Variants in GRIP1 observed in about 807,000 individuals in gnomAD.
GRIP1 encodes glutamate receptor interacting protein 1.
Under a neutral mutation model 129.9 loss-of-function variants are expected in GRIP1, and 45 were observed. The observed-to-expected ratio is 0.35, with a 90% CI of 0.27 to 0.44. GRIP1 has a LOEUF of 0.44. Among genes scored for constraint, GRIP1 ranks in the 20% least tolerant of loss-of-function variants. The pLI is 1.00. For synonymous variants in GRIP1, 530 were observed against 520.8 expected (o/e 1.02, Z -0.24); for missense variants, 1,196 against 1,396.8 (o/e 0.86, Z 2.29).
intron 24 of GRIP1, among the ~76,000 whole-genome samples, chr12:66,353,121 C>T (rs1186240252): frequency 6.6e-6 from 1 of 152,080 alleles, no homozygotes; most frequent in Non-Finnish European, 1.5e-5. Flanking sequence ...TATGGGACTA[C>T]TGTGCGATGG....
At chr12:66,472,922 C>T (rs570875278) in intron 7 of GRIP1, among the ~76,000 whole-genome samples, 87 of 152,278 alleles carry the variant, frequency 5.7e-4, no homozygotes, top group Admixed American at 2.1e-3. Flanking sequence ...ACTGAGCTAG[C>T]TACAGAAGTT....
chr12:66,369,550 T>C (rs758897448), intron 23 of GRIP1, among the ~76,000 whole-genome samples: 19 of 152,160 alleles, frequency 1.2e-4, no homozygotes, highest in Non-Finnish European at 2.4e-4. Flanking sequence ...GACTCTGTTT[T>C]ATACTTGCTA....
intron 1 of GRIP1, among the ~76,000 whole-genome samples, chr12:66,598,352 T>C (rs541937806): frequency 1.3e-5 from 2 of 152,332 alleles, no homozygotes; most frequent in South Asian, 4.1e-4. Context: ...CTGTTTCATG[T>C]TTATATTTAA....
intron 1 of GRIP1, among the ~76,000 whole-genome samples, chr12:66,697,851 C>G (rs1222758310): frequency 6.6e-6 from 1 of 152,194 alleles, no homozygotes; most frequent in East Asian, 1.9e-4. Flanking sequence ...ATATATTAGA[C>G]AAATGGCTCT....
At chr12:66,536,522 C>T (rs752055184) in intron 4 of GRIP1, among the ~76,000 whole-genome samples, 1 of 152,066 alleles carries the variant, frequency 6.6e-6, no homozygotes, top group Non-Finnish European at 1.5e-5. Context: ...TTCATTCTTC[C>T]GGGAACTCTT....
rs59374332 is a variant in GRIP1, at chr12:66,882,210, C to CA, written c.58+186839dup. 5.9e-3 allele frequency among the ~76,000 whole-genome samples: 768 copies of CA among 129,476 alleles called. 11 individuals are homozygous for CA. The highest frequency in any genetic ancestry group is 0.021 in the African/African-American group (726 of 34,756). 84.9% of individuals were successfully genotyped at this position (129,476 alleles called of 152,430 possible). On this transcript the variant is annotated intron_variant, in intron 1 of 1. Transcript: ENST00000643019. ...CATGTAAACACATAGTGTGCCATCACAAAAAAAAAAAAAAAAAAAGACCAC... is the reference window on the plus strand; with the variant it reads ...CATGTAAACACATAGTGTGCCATCACAAAAAAAAAAAAAAAAAAAAGACCAC...
In GRIP1 at chr12:66,920,171, A is replaced by C. The variant is rs78345550; in HGVS notation, c.58+148879T>G. Among the ~76,000 whole-genome samples, 850 of 152,214 alleles carry C rather than the reference A, an allele frequency of 5.6e-3. 24 individuals are homozygous for C. Among genetic ancestry groups the C allele is most frequent in the East Asian group, 0.053 (275 of 5,178 alleles). On this transcript the variant is annotated intron_variant, in intron 1 of 1. Coordinates refer to the GRIP1 transcript ENST00000643019. Reference sequence around the variant, plus strand: ...GAGTCAAGAAAAAAACTACCCAAAAAATGCCTGACTTTGACGAACCTGTAT... The same window carrying C: ...GAGTCAAGAAAAAAACTACCCAAAACATGCCTGACTTTGACGAACCTGTAT...
chr12:66,933,381 A>G (rs2041431936), intron 1 of GRIP1, among the ~76,000 whole-genome samples: 1 of 152,232 alleles, frequency 6.6e-6, no homozygotes, highest in African/African-American at 2.4e-5. Flanking sequence ...TATGGAAACC[A>G]CTGCTGAGAT....
intron 2 of GRIP1, among the ~76,000 whole-genome samples, chr12:66,559,732 C>T (rs542542120): frequency 1.3e-4 from 20 of 152,018 alleles, no homozygotes; most frequent in South Asian, 1.0e-3. Flanking sequence ...AATATTGTTA[C>T]GATGTCATAC....
intron 7 of GRIP1, among the ~76,000 whole-genome samples, chr12:66,502,890 C>A (rs764329526): frequency 6.6e-6 from 1 of 152,110 alleles, no homozygotes; most frequent in East Asian, 1.9e-4. Flanking sequence ...ATCAGACTAT[C>A]CAAATTACTT....
intron 1 of GRIP1, among the ~76,000 whole-genome samples, chr12:66,771,385 C>G (rs1321217061): frequency 6.6e-6 from 1 of 152,174 alleles, no homozygotes; most frequent in Non-Finnish European, 1.5e-5. Flanking sequence ...CATAATCATA[C>G]AAGACCTTGC....
chr12:66,666,878 CT>C (rs544709613), intron 1 of GRIP1, among the ~76,000 whole-genome samples: 238 of 143,618 alleles, frequency 1.7e-3, no homozygotes, highest in African/African-American at 1.6e-3. Flanking sequence ...ACATTGAAAC[CT>C]TTTTTTTTTT....
chr12:66,866,737 A>T (rs1592914838), intron 1 of GRIP1, among the ~76,000 whole-genome samples: 1 of 150,422 alleles, frequency 6.6e-6, no homozygotes, highest in African/African-American at 2.4e-5. Context: ...ACAAATATAT[A>T]CATACCTACT....
intron 1 of GRIP1, among the ~76,000 whole-genome samples, chr12:66,723,776 A>T (rs770542057): frequency 2.0e-5 from 3 of 152,180 alleles, no homozygotes; most frequent in Non-Finnish European, 4.4e-5. Context: ...CAAATACAGA[A>T]TTAAAAATTG....
chr12:66,615,036 T>C (rs997533437), intron 1 of GRIP1, among the ~76,000 whole-genome samples: 3 of 152,184 alleles, frequency 2.0e-5, no homozygotes, highest in African/African-American at 7.2e-5. Flanking sequence ...CTTAGAACTA[T>C]CTGAAATGTC....
At chr12:67,067,206 A>T (rs1306345540) in intron 1 of GRIP1, among the ~76,000 whole-genome samples, 1 of 152,130 alleles carries the variant, frequency 6.6e-6, no homozygotes, top group Non-Finnish European at 1.5e-5. Flanking sequence ...GAGGAATTTC[A>T]GTCTTATCTC....
intron 4 of GRIP1, among the ~76,000 whole-genome samples, chr12:66,537,782 T>C (rs534339805): frequency 1.3e-5 from 2 of 152,238 alleles, no homozygotes; most frequent in South Asian, 2.1e-4. Flanking sequence ...CCTGAGTAGG[T>C]TGTAAGTTTT....
intron 1 of GRIP1, among the ~76,000 whole-genome samples, chr12:66,979,222 TAAAAAAAAAAA>T (rs35306665): frequency 0.017 from 715 of 41,468 alleles, 18 homozygotes; most frequent in African/African-American, 0.051. Context: ...CTTCTCTTCT[TAAAAAAAAAAA>T]AAAAAAAAAA....
At chr12:66,864,651 A>C (rs1172451305) in intron 1 of GRIP1, among the ~76,000 whole-genome samples, 1 of 152,118 alleles carries the variant, frequency 6.6e-6, no homozygotes, top group Non-Finnish European at 1.5e-5. Flanking sequence ...TTAGTAGCTC[A>C]AGGTTGCAGT....
Sources: gnomAD v4.1 joint callset for allele counts (sites outside exome capture counted in the v4.1 genomes callset) on GRCh38, gnomAD v4.1.1 for gene constraint, MANE v1.5 for transcripts, NCBI Gene and HGNC (gene_info 2026-07-23, HGNC 2026-07-21) for gene names.